The following GLI3 variants were observed in gnomAD, a reference collection of about 807,000 sequenced individuals.
GLI3 encodes the protein transcription activator GLI3.
A neutral mutation model predicts 100.8 loss-of-function variants in GLI3; 20 were observed. The observed-to-expected ratio is 0.20, with a 90% CI of 0.14 to 0.29. The LOEUF is 0.29. Among genes scored for constraint, GLI3 ranks in the 10% least tolerant of loss-of-function variants. The pLI is 1.00. For missense variants in GLI3, 2,040 were observed against 2,128.5 expected (o/e 0.96, Z 0.82); for synonymous variants, 938 against 860.5 (o/e 1.09, Z -1.58).
intron 3 of GLI3, among the ~76,000 whole-genome samples, chr7:42,119,462 C>A (rs1200940178): frequency 1.3e-5 from 2 of 152,134 alleles, no homozygotes; most frequent in Non-Finnish European, 2.9e-5. Flanking sequence ...CCAAGACCAG[C>A]TGTAATGTAC....
chr7:42,157,655 G>A (rs1787035127), intron 2 of GLI3, among the ~76,000 whole-genome samples: 1 of 152,180 alleles, frequency 6.6e-6, no homozygotes, highest in Non-Finnish European at 1.5e-5. Flanking sequence ...TATTTGTATG[G>A]ATTTTTAACT....
intron 4 of GLI3, among the ~76,000 whole-genome samples, chr7:42,057,325 T>G (rs1001008175): frequency 6.6e-6 from 1 of 152,202 alleles, no homozygotes; most frequent in Non-Finnish European, 1.5e-5. Flanking sequence ...TGGCTAAAAT[T>G]AAGAAGTCTG....
intron 2 of GLI3, among the ~76,000 whole-genome samples, chr7:42,159,144 A>G (rs907337945): frequency 1.3e-5 from 2 of 151,988 alleles, no homozygotes; most frequent in African/African-American, 4.8e-5. Context: ...ACAAACAAAC[A>G]AAAAAAACAC....
At chr7:42,014,604 A>G (rs541787477) in intron 10 of GLI3, among the ~76,000 whole-genome samples, 30 of 152,256 alleles carry the variant, frequency 2.0e-4, no homozygotes, top group African/African-American at 6.5e-4. Context: ...TACCATGCTC[A>G]TATCCAATCT....
At chr7:42,028,369 T>C (rs1789183315) in intron 7 of GLI3, among the ~76,000 whole-genome samples, 1 of 152,132 alleles carries the variant, frequency 6.6e-6, no homozygotes, top group Admixed American at 6.6e-5. Flanking sequence ...AAAAAATCAG[T>C]ACTTAATTAA....
rs180766894 is a variant in GLI3 at position 42,116,099 on chromosome 7, T to C, written c.367+32127A>G. ...TGGAAACACCAACAAACCCTTTTCA[T>C]GAGACACACATTTCTGCAAGACCTA... is the stretch of plus-strand genomic sequence containing the variant. On this transcript the variant is annotated intron_variant, in intron 3 of 14. Coordinates refer to ENST00000395925, the MANE Select transcript of GLI3 (RefSeq NM_000168.6). Among the ~76,000 whole-genome samples the C allele has an allele frequency of 2.0e-3, 310 of 152,064 alleles. 2 individuals carry two copies. The highest frequency in any genetic ancestry group is 3.3e-3 in the Non-Finnish European group (226 of 67,986).
At chr7:42,225,355 G>A (rs1788562314) in intron 1 of GLI3, among the ~76,000 whole-genome samples, 1 of 151,930 alleles carries the variant, frequency 6.6e-6, no homozygotes, top group South Asian at 2.1e-4. Context: ...GTTTGTTTTT[G>A]TTTTTTCGGT....
chr7:42,080,738 A>G (rs1446442700), intron 3 of GLI3, among the ~76,000 whole-genome samples: 1 of 152,184 alleles, frequency 6.6e-6, no homozygotes, highest in African/African-American at 2.4e-5. Context: ...TTCTTGAAAA[A>G]TGCTCCTGAA....
At chr7:42,204,993 C>T (rs1472480140) in intron 2 of GLI3, among the ~76,000 whole-genome samples, 3 of 152,134 alleles carry the variant, frequency 2.0e-5, no homozygotes, top group Admixed American at 2.0e-4. Context: ...TAAACAAGAG[C>T]CATGTCTCTC....
intron 4 of GLI3, among the ~76,000 whole-genome samples, chr7:42,066,965 G>A (rs1428248799): frequency 6.6e-6 from 1 of 152,132 alleles, no homozygotes; most frequent in African/African-American, 2.4e-5. Flanking sequence ...CAGGCTTAGA[G>A]TGCTACAAGG....
chr7:42,102,828 G>A (rs1037960851), intron 3 of GLI3, among the ~76,000 whole-genome samples: 1 of 152,170 alleles, frequency 6.6e-6, no homozygotes, highest in Non-Finnish European at 1.5e-5. Flanking sequence ...ACAACCCCCT[G>A]AATACAAGGA....
At chr7:42,251,322 A>G (rs1789029195) in intron 1 of GLI3, among the ~76,000 whole-genome samples, 1 of 152,154 alleles carries the variant, frequency 6.6e-6, no homozygotes, top group Non-Finnish European at 1.5e-5. Context: ...GCAGCACACA[A>G]CCTAGATCCC....
At chr7:41,973,728 A>C (rs1787429828) in intron 12 of GLI3, among the ~76,000 whole-genome samples, 1 of 152,186 alleles carries the variant, frequency 6.6e-6, no homozygotes, top group African/African-American at 2.4e-5. Flanking sequence ...TGTATGTCTA[A>C]AAGATGCTTT....
intron 10 of GLI3, among the ~76,000 whole-genome samples, chr7:41,979,551 C>A (rs7787535): frequency 6.6e-6 from 1 of 152,240 alleles, no homozygotes; most frequent in African/African-American, 2.4e-5. Context: ...TGGATTAATA[C>A]AATTAGGAAT....
intron 4 of GLI3, among the ~76,000 whole-genome samples, chr7:42,057,615 C>G (rs4724091): frequency 3.3e-5 from 5 of 151,946 alleles, no homozygotes. Flanking sequence ...TACAATGAAA[C>G]AGTAAACAGC....
chr7:42,048,835 A>G, intron 4 of GLI3, 139 bp from the exon 5 acceptor site: 2 of 687,698 alleles, frequency 2.9e-6, no homozygotes, highest in East Asian at 2.7e-5. Flanking sequence ...AGGCAAATAC[A>G]TATTAGTACT....
At chr7:42,228,862 G>A (rs980002581) in intron 1 of GLI3, among the ~76,000 whole-genome samples, 1 of 152,148 alleles carries the variant, frequency 6.6e-6, no homozygotes, top group African/African-American at 2.4e-5. Flanking sequence ...AGCTCAGGGA[G>A]GCCCTGAGTG....
intron 6 of GLI3, among the ~76,000 whole-genome samples, chr7:42,043,493 T>C (rs1784184399): frequency 6.6e-6 from 1 of 152,220 alleles, no homozygotes; most frequent in Non-Finnish European, 1.5e-5. Context: ...ACTTCCTTCT[T>C]AAATATAAGC....
At chr7:42,146,725 G>C (rs967347963) in intron 3 of GLI3, among the ~76,000 whole-genome samples, 2 of 152,142 alleles carry the variant, frequency 1.3e-5, no homozygotes, top group African/African-American at 4.8e-5. Flanking sequence ...AAAGCATGTA[G>C]GAGTCCCTCA....
Sources: gnomAD v4.1 joint callset for allele counts (sites outside exome capture counted in the v4.1 genomes callset) on GRCh38, gnomAD v4.1.1 for gene constraint, MANE v1.5 for transcripts, NCBI Gene and HGNC (gene_info 2026-07-23, HGNC 2026-07-21) for gene names.